VWF: variants seen among roughly 807,000 people sequenced by gnomAD.
VWF encodes the protein Factor VIII related antigen.
A neutral mutation model predicts 308.6 loss-of-function variants in VWF; 176 were observed. The observed-to-expected ratio is 0.57, with a 90% CI of 0.50 to 0.65. The LOEUF (loss-of-function observed/expected upper bound fraction) is 0.65, where lower values mean the gene tolerates loss of function less well. Among genes scored for constraint, VWF ranks in the 30% least tolerant of loss-of-function variants. The pLI is 0.00. For synonymous variants in VWF, 1,385 were observed against 1,443.4 expected (o/e 0.96, Z 0.92); for missense variants, 3,146 against 3,648.2 (o/e 0.86, Z 3.55).
intron 6 of VWF, among the ~76,000 whole-genome samples, chr12:6,093,677 T>C (rs1169950046): frequency 6.6e-6 from 1 of 152,180 alleles, no homozygotes; most frequent in Non-Finnish European, 1.5e-5. Flanking sequence ...CAGCTGCACC[T>C]ACCTCCTCAG....
chr12:5,971,044 C>T (rs946143527), intron 44 of VWF, among the ~76,000 whole-genome samples: 10 of 152,104 alleles, frequency 6.6e-5, no homozygotes, highest in African/African-American at 1.4e-4. Flanking sequence ...AAGGGACTGG[C>T]GGGGGTGAGC....
At chr12:5,962,563 A>G (rs550491301) in intron 47 of VWF, among the ~76,000 whole-genome samples, 1,442 of 57,098 alleles carry the variant, frequency 0.025, 25 homozygotes, top group South Asian at 0.072. Flanking sequence ...TTTTTTTTTG[A>G]GACAGAGTCT....
rs767476789 is a variant in VWF at position 6,019,302 on chromosome 12, G to A, written c.4116C>T (p.Ile1372=). 5 of 1,613,910 alleles carry A rather than the reference G, an allele frequency of 3.1e-6. No homozygotes were observed. The highest frequency in any genetic ancestry group is 3.4e-6 in the Non-Finnish European group (4 of 1,179,858). The change falls in exon 28 of 52, where the codon ATC becomes ATT. Residue 1372 remains isoleucine, a synonymous_variant. Coordinates refer to ENST00000261405, the MANE Select transcript of VWF (RefSeq NM_000552.5). This position sits in a 1 kb window ranked among gnomAD's most constrained non-coding sequence, Gnocchi z 5.8. ...KYTLFQIFSK[I]DRPEASRITL... ...TGATGCGGGAGGCTTCAGGGCGGTC[G>A]ATCTTGCTGAAGATTTGGAACAGTG...
chr12:6,021,594 C>A, intron 27 of VWF: 1 of 346,896 alleles, frequency 2.9e-6, no homozygotes, highest in Non-Finnish European at 5.5e-6. Flanking sequence ...GTGACCATAC[C>A]CCCACCTTCA....
chr12:6,032,812 A>T (rs970313684), intron 20 of VWF, among the ~76,000 whole-genome samples: 1 of 151,970 alleles, frequency 6.6e-6, no homozygotes, highest in Non-Finnish European at 1.5e-5. Context: ...CTATGTACTC[A>T]TACACACACT....
chr12:6,052,853 G>A, intron 15 of VWF, 70 bp from the exon 16 acceptor site: 2 of 1,563,174 alleles, frequency 1.3e-6, no homozygotes, highest in Non-Finnish European at 1.7e-6. Context: ...TCTAGGACTT[G>A]CCACCCCTTG....
At chr12:5,964,073 T>G (rs577085227) in intron 47 of VWF, among the ~76,000 whole-genome samples, 1 of 151,826 alleles carries the variant, frequency 6.6e-6, no homozygotes, top group Non-Finnish European at 1.5e-5. Context: ...AAAAATTAGC[T>G]GGGCATGGCG....
intron 7 of VWF, 27 bp from the exon 8 acceptor site, chr12:6,073,768 C>T (rs1350172674): frequency 1.2e-6 from 2 of 1,613,406 alleles, no homozygotes; most frequent in Non-Finnish European, 1.7e-6. Context: ...AAGGGGTCTA[C>T]CCAGGGCAGG....
At chr12:6,092,367 G>A (rs1945044344) in intron 6 of VWF, among the ~76,000 whole-genome samples, 1 of 151,348 alleles carries the variant, frequency 6.6e-6, no homozygotes, top group South Asian at 2.1e-4. Flanking sequence ...TTTTGAGACA[G>A]GGTCTCACAT....
At chr12:6,017,584 CAGTAAAAGGT>C (rs1317382004) in intron 28 of VWF, among the ~76,000 whole-genome samples, 1 of 152,142 alleles carries the variant, frequency 6.6e-6, no homozygotes, top group Non-Finnish European at 1.5e-5. Flanking sequence ...ACGCCAGTGT[CAGTAAAAGGT>C]AGTAGTAACA....
intron 26 of VWF, 152 bp from the exon 27 acceptor site, chr12:6,022,187 G>A (rs1316538330): frequency 1.6e-5 from 18 of 1,116,278 alleles, no homozygotes; most frequent in Non-Finnish European, 2.4e-5. Flanking sequence ...CATCACTCAA[G>A]GAGCATCTCT....
intron 15 of VWF, among the ~76,000 whole-genome samples, chr12:6,055,230 T>A (rs1039729833): frequency 1.1e-4 from 17 of 152,144 alleles, no homozygotes; most frequent in African/African-American, 4.1e-4. Context: ...CAGGAGAATG[T>A]CCTAAATTAA....
At chr12:5,950,299 T>G (rs1419418181) in intron 50 of VWF, among the ~76,000 whole-genome samples, 1 of 152,028 alleles carries the variant, frequency 6.6e-6, no homozygotes, top group Non-Finnish European at 1.5e-5. Flanking sequence ...ATTCCTGCCT[T>G]GGGGTAAGAG....
Position 5,992,002 on chromosome 12 carries a change from T to C in VWF, c.6615A>G (p.Pro2205=), listed in dbSNP as rs1477319264. Residue 2205 remains proline (P), a synonymous_variant, in exon 38 of 52, where the codon CCA becomes CCG. Transcript: ENST00000261405. ...TPDFCAMSCP[P]SLVYNHCEHG... ...GCTCACAGTGGTTGTAGACCAGAGA[T>C]GGTGGGCATGACATAGCTGTAGACA... is the stretch of plus-strand genomic sequence containing the variant. The C allele has an allele frequency of 5.6e-6, 9 of 1,614,042 alleles. No individual in the cohort carries two copies. Among genetic ancestry groups the C allele is most frequent in the Non-Finnish European group, 5.9e-6 (7 of 1,180,040 alleles).
At chr12:6,123,493 T>A (rs1448528049) in intron 1 of VWF, among the ~76,000 whole-genome samples, 1 of 152,174 alleles carries the variant, frequency 6.6e-6, no homozygotes, top group African/African-American at 2.4e-5. Context: ...CCAGGCCCGC[T>A]GGGCCTCACA....
intron 34 of VWF, among the ~76,000 whole-genome samples, chr12:6,003,313 G>A (rs1943892166): frequency 6.6e-6 from 1 of 152,134 alleles, no homozygotes; most frequent in African/African-American, 2.4e-5. Context: ...TAATGTTTAT[G>A]ACATCAATAA....
At chr12:6,035,698 G>C (rs1944328130) in intron 19 of VWF, among the ~76,000 whole-genome samples, 1 of 152,226 alleles carries the variant, frequency 6.6e-6, no homozygotes, top group African/African-American at 2.4e-5. Context: ...GGACCCTCCA[G>C]ACCCCGTGCC....
At chr12:6,034,597 G>A in intron 20 of VWF, 91 bp downstream of exon 20, 26 of 1,596,060 alleles carry the variant, frequency 1.6e-5, no homozygotes, top group Non-Finnish European at 2.2e-5. Context: ...AGTTGTTTCT[G>A]CAGACAGATC....
In VWF at chr12:6,027,665, C is replaced by T. The variant is rs551854061; in HGVS notation, c.2968-1619G>A. 1.1e-4 allele frequency among the ~76,000 whole-genome samples: 17 copies of T among 152,090 alleles called. No homozygotes were observed. In the South Asian group the frequency reaches 2.1e-3, roughly 19 times the overall value. On this transcript the variant is annotated intron_variant, in intron 22 of 51. Transcript: ENST00000261405. ...ACAAGCCAAGAATGCAGGCAGCCTC[C>T]GGAATGTAAAAAAGGCAAGAAAAGG...
Sources: gnomAD v4.1 joint callset for allele counts (sites outside exome capture counted in the v4.1 genomes callset) on GRCh38, gnomAD v4.1.1 for gene constraint, Gnocchi (gnomAD v3.1) non-coding constraint, MANE v1.5 for transcripts, NCBI Gene and HGNC (gene_info 2026-07-23, HGNC 2026-07-21) for gene names.